Variants in SSBP2 observed in about 807,000 individuals in gnomAD.
The protein encoded by SSBP2 is single-stranded DNA-binding protein 2.
Under a neutral mutation model 61.8 loss-of-function variants are expected in SSBP2, and 17 were observed. The observed-to-expected ratio is 0.28, with a 90% CI of 0.19 to 0.41. The LOEUF is 0.41. Among genes scored for constraint, SSBP2 ranks in the 10% least tolerant of loss-of-function variants. SSBP2 has a pLI of 1.00. For synonymous variants in SSBP2, 139 were observed against 141.3 expected, an observed-to-expected ratio of 0.98 and a Z score of 0.12; for missense variants, 310 against 458.7, an observed-to-expected ratio of 0.68 and a Z score of 2.96.
intron 1 of SSBP2, among the ~76,000 whole-genome samples, chr5:81,737,294 TAA>T (rs5869085): frequency 0.43 from 60,184 of 138,896 alleles, 13,504 homozygotes; most frequent in Admixed American, 0.53. Flanking sequence ...TTCTCCAAGT[TAA>T]AAAAAAAAAA....
chr5:81,468,066 T>G lies in SSBP2; in HGVS notation c.571-1025A>C, dbSNP rs554999283. ...ATTTGTTTCCATCTGGATACCATCT[T>G]ACTCACAACATATCTAAAAGTAAAC... On this transcript the variant is annotated intron_variant, in intron 8 of 16. Coordinates refer to ENST00000320672, the MANE Select transcript of SSBP2 (RefSeq NM_012446.5). 2.7e-3 allele frequency among the ~76,000 whole-genome samples: 417 copies of G among 152,120 alleles called. 1 individual carries two copies. Among genetic ancestry groups the G allele is most frequent in the Non-Finnish European group, 4.5e-3 (304 of 67,870 alleles).
chr5:81,463,712 T>C (rs7702374), intron 9 of SSBP2, among the ~76,000 whole-genome samples: 43,933 of 150,996 alleles, frequency 0.29, 6,983 homozygotes, highest in African/African-American at 0.39. Flanking sequence ...AGGAGGTTGA[T>C]TTTGATGAAA....
intron 4 of SSBP2, among the ~76,000 whole-genome samples, chr5:81,540,281 T>C (rs571185528): frequency 1.3e-5 from 2 of 152,228 alleles, no homozygotes; most frequent in Admixed American, 1.3e-4. Flanking sequence ...CTGGGACAAA[T>C]GGTATTTCTG....
At chr5:81,450,376 T>G (rs1763689005) in intron 10 of SSBP2, among the ~76,000 whole-genome samples, 1 of 152,140 alleles carries the variant, frequency 6.6e-6, no homozygotes, top group African/African-American at 2.4e-5. Context: ...AATTTATCTA[T>G]CGGCTCCTAG....
At chr5:81,434,633 C>CAAAAAAAAA (rs34269591) in intron 15 of SSBP2, among the ~76,000 whole-genome samples, 3 of 42,996 alleles carry the variant, frequency 7.0e-5, no homozygotes, top group African/African-American at 9.4e-5. Flanking sequence ...ACTCTTGACT[C>CAAAAAAAAA]AAAAAAAAAA....
At chr5:81,526,760 GTTC>G (rs1769974539) in intron 4 of SSBP2, among the ~76,000 whole-genome samples, 1 of 151,948 alleles carries the variant, frequency 6.6e-6, no homozygotes, top group South Asian at 2.1e-4. Flanking sequence ...GCAGACCTTT[GTTC>G]TTCTTCTCAG....
intron 1 of SSBP2, among the ~76,000 whole-genome samples, chr5:81,706,229 G>C (rs1754384017): frequency 6.6e-6 from 1 of 152,114 alleles, no homozygotes; most frequent in Admixed American, 6.5e-5. Context: ...ATTAACACAG[G>C]AACAGAAAAC....
In SSBP2 at chr5:81,474,434, G is replaced by C. The variant is rs1488820860; in HGVS notation, c.499+62C>G. On this transcript the variant is annotated intron_variant, in intron 7 of 16. Transcript: ENST00000320672. ...CTTATACAAATACAATTTTCCTTAA[G>C]AGATAAAAGATTTCCTCTATGGTTC... The C allele has an allele frequency of 1.2e-5, 17 of 1,430,118 alleles. No individual in the cohort carries two copies. The Middle Eastern group carries it at 1.4e-3, about 119-fold the overall frequency. 88.6% of individuals were successfully genotyped at this position (1,430,118 alleles called of 1,614,324 possible).
intron 3 of SSBP2, 56 bp from the exon 4 acceptor site, chr5:81,615,613 T>A: frequency 1.4e-5 from 16 of 1,139,878 alleles, no homozygotes; most frequent in Non-Finnish European, 2.0e-5. Flanking sequence ...ATATGAGAAA[T>A]CACAATTCCA....
chr5:81,619,568 A>G lies in SSBP2; in HGVS notation c.198-4011T>C, dbSNP rs1746353828. Reference sequence around the variant, plus strand: ...CATTCCTTCTGAAACTATTCCAATCAATAGAAAAAGAGGGAATCCTCCCTA... The same window carrying G: ...CATTCCTTCTGAAACTATTCCAATCGATAGAAAAAGAGGGAATCCTCCCTA... On this transcript the variant is annotated intron_variant, in intron 3 of 16. Transcript: ENST00000320672. Among the ~76,000 whole-genome samples the G allele has an allele frequency of 2.0e-5, 3 of 148,302 alleles. No homozygotes were observed. In the South Asian group the frequency reaches 6.6e-4, roughly 33 times the overall value.
At chr5:81,533,874 GTGTTT>G (rs1770601224) in intron 4 of SSBP2, among the ~76,000 whole-genome samples, 1 of 152,052 alleles carries the variant, frequency 6.6e-6, no homozygotes, top group Non-Finnish European at 1.5e-5. Flanking sequence ...CTAAATGCTT[GTGTTT>G]TGTCTCTGGG....
intron 3 of SSBP2, among the ~76,000 whole-genome samples, chr5:81,628,575 C>A (rs1343395478): frequency 6.6e-6 from 1 of 152,128 alleles, no homozygotes; most frequent in Non-Finnish European, 1.5e-5. Context: ...AGCTTATTGG[C>A]ATTTTTATTT....
At chr5:81,736,039 T>C (rs936304864) in intron 1 of SSBP2, among the ~76,000 whole-genome samples, 1 of 152,156 alleles carries the variant, frequency 6.6e-6, no homozygotes, top group Non-Finnish European at 1.5e-5. Flanking sequence ...TGGGCCCCAC[T>C]GGCCTCAGGA....
At chr5:81,702,523 G>A (rs554846554) in intron 1 of SSBP2, among the ~76,000 whole-genome samples, 4 of 152,160 alleles carry the variant, frequency 2.6e-5, no homozygotes, top group Admixed American at 2.0e-4. Flanking sequence ...AATAGGCATC[G>A]GAAAATACAA....
intron 1 of SSBP2, 129 bp downstream of exon 1, chr5:81,750,852 C>G: frequency 9.6e-7 from 1 of 1,045,332 alleles, no homozygotes; most frequent in Non-Finnish European, 1.4e-6. Flanking sequence ...TCGCGGCACC[C>G]CTCCCCCTGC....
At chr5:81,469,989 T>C (rs1448158860) in intron 8 of SSBP2, among the ~76,000 whole-genome samples, 1 of 151,944 alleles carries the variant, frequency 6.6e-6, no homozygotes. Context: ...ATTTAATTTC[T>C]AGAAAGTTCT....
chr5:81,605,156 C>A (rs543243877), intron 4 of SSBP2, among the ~76,000 whole-genome samples: 11 of 151,674 alleles, frequency 7.3e-5, no homozygotes, highest in African/African-American at 2.2e-4. Flanking sequence ...TGATTCAATT[C>A]ATTGACTCCC....
chr5:81,638,606 G>A (rs778492278), intron 2 of SSBP2, among the ~76,000 whole-genome samples: 8 of 151,368 alleles, frequency 5.3e-5, no homozygotes, highest in Non-Finnish European at 1.0e-4. Context: ...TTTTACCTAG[G>A]AGGGTATCCC....
At chr5:81,548,680 T>G (rs1019223767) in intron 4 of SSBP2, among the ~76,000 whole-genome samples, 1 of 152,174 alleles carries the variant, frequency 6.6e-6, no homozygotes, top group Non-Finnish European at 1.5e-5. Context: ...CCCAGCACTT[T>G]GGGAGGCCGA....
Sources: gnomAD v4.1 joint callset for allele counts (sites outside exome capture counted in the v4.1 genomes callset) on GRCh38, gnomAD v4.1.1 for gene constraint, MANE v1.5 for transcripts, NCBI Gene and HGNC (gene_info 2026-07-23, HGNC 2026-07-21) for gene names.